Variants in ATRNL1 observed in about 807,000 individuals in gnomAD.
ATRNL1 encodes attractin like 1, also known as attractin-like protein 1.
A neutral mutation model predicts 182.7 loss-of-function variants in ATRNL1; 95 were observed. The ratio of observed to expected loss-of-function variants is 0.52; its 90% CI spans 0.44 to 0.62. The LOEUF (loss-of-function observed/expected upper bound fraction) is 0.62. Among genes scored for constraint, ATRNL1 ranks in the 20% least tolerant of loss-of-function variants. The pLI is 0.00. For synonymous variants in ATRNL1, 576 were observed against 568.3 expected, an observed-to-expected ratio of 1.01 and a Z score of -0.19; for missense variants, 1,471 against 1,679.5, an observed-to-expected ratio of 0.88 and a Z score of 2.17.
At chr10:115,623,377 A>G (rs1555023682) in intron 26 of ATRNL1, among the ~76,000 whole-genome samples, 1 of 152,182 alleles carries the variant, frequency 6.6e-6, no homozygotes, top group African/African-American at 2.4e-5. Context: ...TTAAAATGTA[A>G]GCACTATCTA....
intron 28 of ATRNL1, among the ~76,000 whole-genome samples, chr10:115,896,479 T>C (rs910167979): frequency 6.6e-6 from 1 of 152,112 alleles, no homozygotes; most frequent in Non-Finnish European, 1.5e-5. Flanking sequence ...CTTGAAAAAC[T>C]GATGATGTAA....
At chr10:115,620,663 AAC>A (rs1257255560) in intron 26 of ATRNL1, among the ~76,000 whole-genome samples, 5 of 152,242 alleles carry the variant, frequency 3.3e-5, no homozygotes, top group Admixed American at 6.5e-5. Context: ...TAAATATTTT[AAC>A]AGTCTTAAGT....
chr10:115,886,392 T>C (rs1217186541), intron 28 of ATRNL1, among the ~76,000 whole-genome samples: 2 of 152,142 alleles, frequency 1.3e-5, no homozygotes, highest in Non-Finnish European at 2.9e-5. Flanking sequence ...CGCATGCCTG[T>C]AATCCCAGCT....
chr10:115,634,162 A>G (rs561593475), intron 26 of ATRNL1, among the ~76,000 whole-genome samples: 13 of 152,282 alleles, frequency 8.5e-5, no homozygotes, highest in Admixed American at 2.6e-4. Context: ...TTTATTCACT[A>G]AAACACCTAA....
intron 26 of ATRNL1, among the ~76,000 whole-genome samples, chr10:115,695,716 A>T (rs1345374194): frequency 6.6e-6 from 1 of 152,190 alleles, no homozygotes; most frequent in Non-Finnish European, 1.5e-5. Context: ...GATAAAGATT[A>T]TAAAATAATA....
chr10:115,135,372 G>A (rs1426795108), intron 5 of ATRNL1, among the ~76,000 whole-genome samples: 1 of 152,166 alleles, frequency 6.6e-6, no homozygotes, highest in Non-Finnish European at 1.5e-5. Flanking sequence ...AAAATCACAA[G>A]CATTCTTATA....
At chr10:115,572,831 G>T (rs1430674287) in intron 26 of ATRNL1, among the ~76,000 whole-genome samples, 11 of 152,130 alleles carry the variant, frequency 7.2e-5, no homozygotes, top group Non-Finnish European at 1.2e-4. Context: ...GATTCCCCTT[G>T]CAGGACATAT....
rs1190182108 is a variant in ATRNL1 at position 115,646,683 on chromosome 10, A to T, written c.3796-80565A>T. Reference sequence around the variant, plus strand: ...AATATTTTATTAAAAGCCCTCCCATACTTTTCCCTATGGACTAATACATAT... The same window carrying T: ...AATATTTTATTAAAAGCCCTCCCATTCTTTTCCCTATGGACTAATACATAT... On this transcript the variant is annotated intron_variant, in intron 26 of 28. Coordinates refer to ENST00000355044, the MANE Select transcript of ATRNL1 (RefSeq NM_207303.4). Among the ~76,000 whole-genome samples the T allele has an allele frequency of 3.3e-5, 5 of 150,254 alleles. No individual in the cohort carries two copies. In the East Asian group the frequency reaches 9.8e-4, roughly 29 times the overall value.
At chr10:115,392,109 G>A (rs1231428592) in intron 19 of ATRNL1, among the ~76,000 whole-genome samples, 1 of 152,068 alleles carries the variant, frequency 6.6e-6, no homozygotes, top group Admixed American at 6.6e-5. Context: ...CCTTAAATTA[G>A]ATAGTTTAAT....
chr10:115,268,618 G>T (rs577272246), intron 13 of ATRNL1, among the ~76,000 whole-genome samples, 174 bp downstream of exon 13: 10 of 152,238 alleles, frequency 6.6e-5, no homozygotes, highest in Admixed American at 2.0e-4. Flanking sequence ...TTGGTTTGTT[G>T]TTCAAATTTG....
intron 8 of ATRNL1, among the ~76,000 whole-genome samples, chr10:115,186,377 G>GTGT (rs1220773999): frequency 6.7e-6 from 1 of 149,014 alleles, no homozygotes; most frequent in Non-Finnish European, 1.5e-5. Flanking sequence ...CCAAAAGAAA[G>GTGT]AAGATCATTA....
At chr10:115,693,303 A>G (rs1946450644) in intron 26 of ATRNL1, among the ~76,000 whole-genome samples, 1 of 152,152 alleles carries the variant, frequency 6.6e-6, no homozygotes, top group Non-Finnish European at 1.5e-5. Context: ...GTTGTTACCA[A>G]TAGTCTAAGA....
At chr10:115,414,500 C>T (rs1486560415) in intron 20 of ATRNL1, among the ~76,000 whole-genome samples, 2 of 151,392 alleles carry the variant, frequency 1.3e-5, no homozygotes, top group Non-Finnish European at 3.0e-5. Context: ...GAATTTTTTC[C>T]TTTCCCATTC....
At chr10:115,212,834 C>G (rs1239390396) in intron 8 of ATRNL1, among the ~76,000 whole-genome samples, 6 of 151,840 alleles carry the variant, frequency 4.0e-5, no homozygotes, top group Non-Finnish European at 8.8e-5. Context: ...AAAATGCACA[C>G]TGGGGCCTAT....
At chr10:115,545,250 A>G (rs992464449) in intron 25 of ATRNL1, among the ~76,000 whole-genome samples, 3 of 151,270 alleles carry the variant, frequency 2.0e-5, no homozygotes, top group Non-Finnish European at 4.4e-5. Context: ...AAAAAAAAAA[A>G]AAAAAAAGAA....
intron 24 of ATRNL1, among the ~76,000 whole-genome samples, chr10:115,481,215 T>G (rs1309038534): frequency 6.7e-6 from 1 of 150,342 alleles, no homozygotes; most frequent in African/African-American, 2.4e-5. Flanking sequence ...ATAATATTAA[T>G]TAATGTTTTT....
At chr10:115,359,152 A>G (rs1856630010) in intron 19 of ATRNL1, among the ~76,000 whole-genome samples, 1 of 151,578 alleles carries the variant, frequency 6.6e-6, no homozygotes, top group Non-Finnish European at 1.5e-5. Flanking sequence ...GATTATTACC[A>G]TCAGTGTTCT....
At chr10:115,638,227 C>T (rs1408965098) in intron 26 of ATRNL1, among the ~76,000 whole-genome samples, 1 of 151,992 alleles carries the variant, frequency 6.6e-6, no homozygotes, top group African/African-American at 2.4e-5. Flanking sequence ...AGACACTTAC[C>T]GTAGTATTAC....
intron 26 of ATRNL1, among the ~76,000 whole-genome samples, chr10:115,601,968 T>C (rs1856621131): frequency 6.6e-6 from 1 of 152,126 alleles, no homozygotes; most frequent in Admixed American, 6.5e-5. Context: ...TGAGTACTTT[T>C]TGGATTTTTT....
Sources: allele counts gnomAD v4.1 joint callset (sites outside exome capture counted in the v4.1 genomes callset), GRCh38; gene constraint gnomAD v4.1.1; transcripts MANE v1.5; gene names NCBI Gene and HGNC (gene_info 2026-07-23, HGNC 2026-07-21).